The following SLC25A21 variants were observed in gnomAD, a reference collection of about 807,000 sequenced individuals.
SLC25A21 encodes mitochondrial 2-oxodicarboxylate carrier.
SLC25A21 carries 47 observed loss-of-function variants against 43.8 expected under a neutral mutation model. The ratio of observed to expected loss-of-function variants is 1.07; its 90% CI spans 0.85 to 1.37. The LOEUF is 1.37. SLC25A21 is among the 40% of genes most tolerant of loss of function. SLC25A21 has a pLI of 0.00. For missense variants in SLC25A21, 352 were observed against 350.2 expected, an observed-to-expected ratio of 1.00 and a Z score of -0.04; for synonymous variants, 131 against 121.3, an observed-to-expected ratio of 1.08 and a Z score of -0.52.
At chr14:36,685,650 AAG>A (rs1195937855) in intron 7 of SLC25A21, among the ~76,000 whole-genome samples, 1 of 152,188 alleles carries the variant, frequency 6.6e-6, no homozygotes, top group Non-Finnish European at 1.5e-5. Flanking sequence ...GAGTGAGTAA[AAG>A]AGAAATATTT....
At chr14:36,931,110 C>A (rs542344472) in intron 1 of SLC25A21, among the ~76,000 whole-genome samples, 2 of 152,110 alleles carry the variant, frequency 1.3e-5, no homozygotes, top group Admixed American at 1.3e-4. Context: ...CCTCCTCCCC[C>A]CTATTTAAAG....
chr14:37,016,259 A>G (rs918855116), intron 1 of SLC25A21, among the ~76,000 whole-genome samples: 1 of 152,274 alleles, frequency 6.6e-6, no homozygotes, highest in African/African-American at 2.4e-5. Context: ...CTTTCTACAT[A>G]TGGCTAGCCA....
chr14:36,766,390 TA>T lies in SLC25A21; in HGVS notation c.204-31818del, dbSNP rs112786535. ...TGATCACAGAAAGGTGGAAAAACAC[TA>T]ATCTGAAGTACACATTCCCGTCAGA... On this transcript the variant is annotated intron_variant, in intron 3 of 9. Transcript: ENST00000331299. Among the ~76,000 whole-genome samples, 27 of 152,332 alleles carry T rather than the reference TA, an allele frequency of 1.8e-4. 1 individual carries two copies. The highest frequency in any genetic ancestry group is 6.5e-4 in the African/African-American group (27 of 41,584).
intron 1 of SLC25A21, among the ~76,000 whole-genome samples, chr14:37,104,638 T>C (rs73264175): frequency 5.7e-4 from 87 of 152,292 alleles, no homozygotes; most frequent in African/African-American, 2.0e-3. Flanking sequence ...TTACATGCAA[T>C]ATATCATTGA....
At chr14:36,813,588 G>A (rs712342) in intron 3 of SLC25A21, among the ~76,000 whole-genome samples, 104,088 of 151,974 alleles carry the variant, frequency 0.68, 37,083 homozygotes, top group East Asian at 1. Context: ...GAGTGTGAAC[G>A]GGGAATGAAT....
At chr14:36,865,747 C>T (rs114306647) in intron 2 of SLC25A21, among the ~76,000 whole-genome samples, 1,626 of 152,246 alleles carry the variant, frequency 0.011, 34 homozygotes, top group African/African-American at 0.034. Flanking sequence ...ATTGGTGGGA[C>T]CCACCTCTAG....
chr14:36,984,986 C>A (rs28414995), intron 1 of SLC25A21, among the ~76,000 whole-genome samples: 43,397 of 150,334 alleles, frequency 0.29, 7,248 homozygotes, highest in African/African-American at 0.46. Context: ...CCATGGAATA[C>A]TATGCAGCCA....
intron 1 of SLC25A21, among the ~76,000 whole-genome samples, chr14:36,989,052 CTT>C (rs1164478006): frequency 6.6e-6 from 1 of 152,148 alleles, no homozygotes; most frequent in African/African-American, 2.4e-5. Flanking sequence ...TTACCGCTTT[CTT>C]TTTAGAATTA....
At chr14:37,148,739 T>G (rs1963709889) in intron 1 of SLC25A21, among the ~76,000 whole-genome samples, 1 of 152,158 alleles carries the variant, frequency 6.6e-6, no homozygotes, top group African/African-American at 2.4e-5. Flanking sequence ...ACTTGGTCTC[T>G]TCCTTAGAGG....
At chr14:37,057,684 T>C (rs1961860861) in intron 1 of SLC25A21, among the ~76,000 whole-genome samples, 1 of 152,262 alleles carries the variant, frequency 6.6e-6, no homozygotes, top group African/African-American at 2.4e-5. Context: ...TGTCACTTTT[T>C]ATTTTGCTAT....
chr14:36,900,387 CT>C (rs1891366167), intron 1 of SLC25A21, among the ~76,000 whole-genome samples: 1 of 152,066 alleles, frequency 6.6e-6, no homozygotes, highest in African/African-American at 2.4e-5. Flanking sequence ...AAGGTCAGAG[CT>C]TTAAATCTCT....
intron 2 of SLC25A21, among the ~76,000 whole-genome samples, chr14:36,870,104 T>C (rs1247843971): frequency 2.0e-5 from 3 of 152,186 alleles, no homozygotes; most frequent in Admixed American, 6.5e-5. Context: ...AATGTTTGTG[T>C]ACTCAAAATA....
chr14:36,915,696 A>G (rs200603595), intron 1 of SLC25A21, among the ~76,000 whole-genome samples: 252 of 152,220 alleles, frequency 1.7e-3, no homozygotes, highest in African/African-American at 5.8e-3. Context: ...TAGAGGTATC[A>G]TCACACTTTC....
intron 3 of SLC25A21, among the ~76,000 whole-genome samples, chr14:36,762,639 G>C (rs1037489629): frequency 2.6e-5 from 4 of 152,186 alleles, no homozygotes; most frequent in Admixed American, 6.5e-5. Context: ...ATCTGGAACT[G>C]AATCCTAGTT....
At chr14:36,842,538 A>T (rs916652954) in intron 2 of SLC25A21, among the ~76,000 whole-genome samples, 1 of 152,204 alleles carries the variant, frequency 6.6e-6, no homozygotes, top group African/African-American at 2.4e-5. Context: ...TTGGGTCTCA[A>T]ATGATACTAC....
chr14:37,051,169 A>G (rs962250144), intron 1 of SLC25A21, among the ~76,000 whole-genome samples: 3 of 152,236 alleles, frequency 2.0e-5, no homozygotes, highest in African/African-American at 7.2e-5. Context: ...TTCTCACTCC[A>G]TAAGTCTAAG....
chr14:37,017,510 T>C (rs1031844118), intron 1 of SLC25A21, among the ~76,000 whole-genome samples: 5 of 152,016 alleles, frequency 3.3e-5, no homozygotes, highest in Non-Finnish European at 7.4e-5. Context: ...AATGAAAACA[T>C]TTGAAATAGT....
chr14:36,824,665 G>A (rs1197339798), intron 2 of SLC25A21, among the ~76,000 whole-genome samples: 1 of 152,056 alleles, frequency 6.6e-6, no homozygotes, highest in Non-Finnish European at 1.5e-5. Flanking sequence ...GCTTCCAGTG[G>A]TACTGTACTA....
chr14:37,100,257 C>G (rs191661270), intron 1 of SLC25A21, among the ~76,000 whole-genome samples: 1 of 152,144 alleles, frequency 6.6e-6, no homozygotes, highest in East Asian at 1.9e-4. Flanking sequence ...TGGGGTTTCA[C>G]CATGTTGGCC....
Sources: allele counts gnomAD v4.1 joint callset (sites outside exome capture counted in the v4.1 genomes callset), GRCh38; gene constraint gnomAD v4.1.1; transcripts MANE v1.5; gene names NCBI Gene and HGNC (gene_info 2026-07-23, HGNC 2026-07-21).